DPP10: variants seen among roughly 807,000 people sequenced by gnomAD.
The protein encoded by DPP10 is dipeptidyl peptidase like 10.
In DPP10, 33 loss-of-function variants were observed where a neutral mutation model predicts 120.9. That is an observed-to-expected ratio of 0.27 (90% confidence interval 0.21 to 0.37). DPP10 has a LOEUF of 0.37. Among genes scored for constraint, DPP10 ranks in the 10% least tolerant of loss-of-function variants. The pLI is 1.00. For missense variants in DPP10, 816 were observed against 942.8 expected (o/e 0.87, Z 1.76); for synonymous variants, 337 against 326.1 (o/e 1.03, Z -0.36).
Position 115,737,843 on chromosome 2 carries a change from A to C in DPP10, c.698-1896A>C, listed in dbSNP as rs75679445. On this transcript the variant is annotated intron_variant, in intron 8 of 25. Transcript: ENST00000410059. ...GAGATATCCCGGTGTATCCCAAACT[A>C]CTAGATTTCTAGAAACATCCCCGGT... Among the ~76,000 whole-genome samples, 827 of 152,268 alleles carry C rather than the reference A, an allele frequency of 5.4e-3. 15 individuals are homozygous for C. The highest frequency in any genetic ancestry group is 0.019 in the African/African-American group (791 of 41,562).
intron 1 of DPP10, among the ~76,000 whole-genome samples, chr2:114,554,858 T>C (rs1391304360): frequency 6.6e-6 from 1 of 152,162 alleles, no homozygotes; most frequent in Non-Finnish European, 1.5e-5. Context: ...ATCCCTTTGC[T>C]ACCACCCTCA....
At position 115,706,050 on chromosome 2, in the gene DPP10, A is replaced by G. The variant is rs932545471; in HGVS notation, c.576+16129A>G. Reference sequence around the variant, plus strand: ...AATTATCTTAACTATCTTCACTTATAAATTTGCAATGTATTTAGGTATATA... The same window carrying G: ...AATTATCTTAACTATCTTCACTTATGAATTTGCAATGTATTTAGGTATATA... On this transcript the variant is annotated intron_variant, in intron 7 of 25. Transcript: ENST00000410059. Among the ~76,000 whole-genome samples the G allele has an allele frequency of 2.0e-5, 3 of 151,990 alleles. No individual in the cohort carries two copies. In the East Asian group the frequency reaches 5.8e-4, roughly 29 times the overall value.
chr2:114,665,221 A>G (rs913598709), intron 1 of DPP10, among the ~76,000 whole-genome samples: 2 of 152,174 alleles, frequency 1.3e-5, no homozygotes, highest in Non-Finnish European at 2.9e-5. Context: ...GGACCCCAGT[A>G]ACCAGAGAAC....
chr2:115,773,730 A>G (rs1439261717), intron 13 of DPP10, among the ~76,000 whole-genome samples: 1 of 152,028 alleles, frequency 6.6e-6, no homozygotes, highest in African/African-American at 2.4e-5. Context: ...GTGCTTAAAA[A>G]CCTAACTGAA....
chr2:115,473,359 A>G (rs2105196990), intron 3 of DPP10, among the ~76,000 whole-genome samples: 1 of 152,200 alleles, frequency 6.6e-6, no homozygotes, highest in Middle Eastern at 3.4e-3. Flanking sequence ...CTTAAAATGA[A>G]CTCTATTAGA....
At position 115,380,070 on chromosome 2, in the gene DPP10, A is replaced by C. The variant is rs182674067; in HGVS notation, c.271+36158A>C. On this transcript the variant is annotated intron_variant, in intron 3 of 25. Coordinates refer to ENST00000410059, the MANE Select transcript of DPP10 (RefSeq NM_020868.6). ...AGTTCTGTAGATGTCTATTAGGTCC[A>C]CTTGGTGCAGAGTTGAGTTCAATTC... Among the ~76,000 whole-genome samples the C allele has an allele frequency of 4.2e-3, 633 of 152,222 alleles. 16 individuals carry two copies. Among genetic ancestry groups the C allele is most frequent in the Admixed American group, 0.034 (517 of 15,280 alleles).
intron 1 of DPP10, among the ~76,000 whole-genome samples, chr2:115,153,900 T>A (rs556984965): frequency 2.6e-5 from 4 of 152,284 alleles, no homozygotes; most frequent in African/African-American, 9.6e-5. Context: ...TCTATAACAT[T>A]CTGTATCTTA....
At chr2:115,707,416 A>G (rs1034154101) in intron 7 of DPP10, among the ~76,000 whole-genome samples, 6 of 125,452 alleles carry the variant, frequency 4.8e-5, no homozygotes, top group East Asian at 4.6e-4. Flanking sequence ...GAAACAAACA[A>G]ATTTTACACA....
chr2:114,950,324 C>G (rs142212537), intron 1 of DPP10, among the ~76,000 whole-genome samples: 2,037 of 115,714 alleles, frequency 0.018, 51 homozygotes, highest in African/African-American at 0.063. Flanking sequence ...GAGAGGGAGT[C>G]TTGCTCTGTC....
At chr2:115,216,293 G>T (rs1428888606) in intron 1 of DPP10, among the ~76,000 whole-genome samples, 1 of 151,992 alleles carries the variant, frequency 6.6e-6, no homozygotes, top group East Asian at 1.9e-4. Context: ...GGCACACCCT[G>T]AATCTATAAC....
intron 1 of DPP10, among the ~76,000 whole-genome samples, chr2:114,923,155 AT>A (rs953182766): frequency 7.4e-5 from 11 of 149,398 alleles, no homozygotes; most frequent in East Asian, 3.9e-4. Flanking sequence ...ATGATTTATA[AT>A]TTTTTTTCCC....
At chr2:115,510,537 T>A (rs2077170375) in intron 4 of DPP10, among the ~76,000 whole-genome samples, 1 of 152,142 alleles carries the variant, frequency 6.6e-6, no homozygotes, top group Non-Finnish European at 1.5e-5. Context: ...AAGTTCAGTC[T>A]TGACTGTTGT....
intron 1 of DPP10, among the ~76,000 whole-genome samples, chr2:114,543,107 C>G (rs1379117262): frequency 6.6e-6 from 1 of 152,202 alleles, no homozygotes; most frequent in Non-Finnish European, 1.5e-5. Context: ...CGATTTGGCA[C>G]TGGAGGAGAC....
At chr2:115,172,207 C>A (rs1051883292) in intron 1 of DPP10, among the ~76,000 whole-genome samples, 3 of 152,056 alleles carry the variant, frequency 2.0e-5, no homozygotes, top group Admixed American at 6.5e-5. Context: ...ACTTCTGATA[C>A]ACTGGGATTC....
At chr2:114,583,694 A>G (rs1176233856) in intron 1 of DPP10, among the ~76,000 whole-genome samples, 1 of 152,222 alleles carries the variant, frequency 6.6e-6, no homozygotes, top group Non-Finnish European at 1.5e-5. Context: ...TTATTTGGCT[A>G]TAACTGAATC....
intron 1 of DPP10, among the ~76,000 whole-genome samples, chr2:115,285,796 A>T (rs1472153390): frequency 1.3e-5 from 2 of 152,078 alleles, no homozygotes; most frequent in Admixed American, 1.3e-4. Context: ...GTTTAATTAC[A>T]TTAGAGCTGC....
At chr2:114,457,510 C>T (rs1390171721) in intron 1 of DPP10, among the ~76,000 whole-genome samples, 1 of 152,100 alleles carries the variant, frequency 6.6e-6, no homozygotes, top group African/African-American at 2.4e-5. Context: ...GAATTGGGAG[C>T]CACTGTAGCA....
intron 1 of DPP10, among the ~76,000 whole-genome samples, chr2:114,512,587 G>A (rs1358679904): frequency 6.6e-6 from 1 of 152,170 alleles, no homozygotes; most frequent in Non-Finnish European, 1.5e-5. Context: ...AATACCGCAG[G>A]CACAGATGAA....
chr2:115,151,158 C>T (rs1159907701), intron 1 of DPP10, among the ~76,000 whole-genome samples: 1 of 152,036 alleles, frequency 6.6e-6, no homozygotes, highest in African/African-American at 2.4e-5. Flanking sequence ...ATTGTCTTTT[C>T]TTGAATGTCT....
Sources: allele counts gnomAD v4.1 joint callset (sites outside exome capture counted in the v4.1 genomes callset), GRCh38; gene constraint gnomAD v4.1.1; transcripts MANE v1.5; gene names NCBI Gene and HGNC (gene_info 2026-07-23, HGNC 2026-07-21).